The following PJA2 variants were observed in gnomAD, a reference collection of about 807,000 sequenced individuals.
PJA2 encodes the protein praja ring finger ubiquitin ligase 2.
A neutral mutation model predicts 69.3 loss-of-function variants in PJA2; 25 were observed. The observed-to-expected ratio is 0.36, with a 90% CI of 0.26 to 0.50. The LOEUF is 0.50. Ranked by LOEUF, PJA2 falls within the 20% of genes least tolerant of loss-of-function variation. The pLI, the probability that PJA2 is intolerant of heterozygous loss-of-function variation, is 0.96. For synonymous variants in PJA2, 308 were observed against 277.8 expected (o/e 1.11, Z -1.08); for missense variants, 809 against 830.2 (o/e 0.97, Z 0.31).
intron 4 of PJA2, among the ~76,000 whole-genome samples, chr5:109,369,870 T>A (rs997500792): frequency 6.6e-6 from 1 of 151,962 alleles, no homozygotes. Context: ...CCATCTCTAC[T>A]AAAAATACAA....
chr5:109,386,935 G>A (rs1355220469), intron 1 of PJA2, among the ~76,000 whole-genome samples: 1 of 152,162 alleles, frequency 6.6e-6, no homozygotes, highest in Non-Finnish European at 1.5e-5. Flanking sequence ...GGCAGGCCAT[G>A]TTTAAATTTT....
At chr5:109,385,354 G>A (rs1204534926) in intron 1 of PJA2, among the ~76,000 whole-genome samples, 1 of 152,190 alleles carries the variant, frequency 6.6e-6, no homozygotes, top group Non-Finnish European at 1.5e-5. Context: ...TGGACATATT[G>A]TAAAAATACA....
intron 4 of PJA2, among the ~76,000 whole-genome samples, chr5:109,375,972 A>G (rs1299860605): frequency 6.6e-6 from 1 of 152,250 alleles, no homozygotes; most frequent in Non-Finnish European, 1.5e-5. Flanking sequence ...AGAAAACTGT[A>G]CAGACACTTT....
At chr5:109,408,876 G>A (rs777237817) in intron 1 of PJA2, among the ~76,000 whole-genome samples, 1 of 152,198 alleles carries the variant, frequency 6.6e-6, no homozygotes, top group Non-Finnish European at 1.5e-5. Context: ...TTCAGCAAAG[G>A]TGACTGCCAT....
intron 9 of PJA2, among the ~76,000 whole-genome samples, chr5:109,341,523 G>A (rs1762057168): frequency 9.9e-5 from 14 of 141,232 alleles, no homozygotes; most frequent in South Asian, 4.5e-4. Flanking sequence ...TCTCCGCCCG[G>A]CAGCCACCCC....
chr5:109,404,264 T>C (rs1471211582), intron 1 of PJA2, among the ~76,000 whole-genome samples: 17 of 151,960 alleles, frequency 1.1e-4, no homozygotes. Flanking sequence ...CTCACACCTG[T>C]AATTCCAGCA....
intron 9 of PJA2, among the ~76,000 whole-genome samples, chr5:109,343,826 T>A (rs1425949102): frequency 6.6e-6 from 1 of 152,228 alleles, no homozygotes; most frequent in Non-Finnish European, 1.5e-5. Context: ...CTGGGCGTGG[T>A]GGCTCATGCC....
intron 1 of PJA2, among the ~76,000 whole-genome samples, chr5:109,402,327 AAGAC>A (rs1747572823): frequency 6.6e-6 from 1 of 152,198 alleles, no homozygotes; most frequent in Admixed American, 6.5e-5. Context: ...TTTTAAATAA[AAGAC>A]AGATTAAATG....
At chr5:109,408,496 A>T (rs1014341216) in intron 1 of PJA2, among the ~76,000 whole-genome samples, 2 of 152,204 alleles carry the variant, frequency 1.3e-5, no homozygotes, top group African/African-American at 4.8e-5. Flanking sequence ...TCAATAAGCA[A>T]GCGGTATGCA....
intron 4 of PJA2, among the ~76,000 whole-genome samples, chr5:109,377,595 A>G (rs188698426): frequency 6.6e-6 from 1 of 152,306 alleles, no homozygotes; most frequent in East Asian, 1.9e-4. Flanking sequence ...GTCCAGCTCT[A>G]CCATTAAGTT....
At chr5:109,387,292 C>T (rs1250789413) in intron 1 of PJA2, among the ~76,000 whole-genome samples, 1 of 151,736 alleles carries the variant, frequency 6.6e-6, no homozygotes, top group African/African-American at 2.4e-5. Flanking sequence ...AATCCGAGAC[C>T]TCTATATTCC....
intron 5 of PJA2, among the ~76,000 whole-genome samples, chr5:109,364,639 A>G (rs1037726227): frequency 1.3e-5 from 2 of 151,796 alleles, no homozygotes; most frequent in Non-Finnish European, 2.9e-5. Context: ...AAAAAAAAAA[A>G]AATTTCAGTG....
chr5:109,393,282 A>G (rs116588714), intron 1 of PJA2, among the ~76,000 whole-genome samples: 2,471 of 152,352 alleles, frequency 0.016, 34 homozygotes, highest in Non-Finnish European at 0.025. Flanking sequence ...AGAACAAGTT[A>G]TCATTACACA....
At chr5:109,379,311 T>C in intron 3 of PJA2, 57 bp from the exon 4 acceptor site, 1 of 1,217,498 alleles carries the variant, frequency 8.2e-7, no homozygotes, top group Non-Finnish European at 1.1e-6. Flanking sequence ...TAAAATTTTA[T>C]GTAATAACTA....
chr5:109,369,479 A>C (rs1446020945), intron 4 of PJA2, among the ~76,000 whole-genome samples: 1 of 152,238 alleles, frequency 6.6e-6, no homozygotes, highest in African/African-American at 2.4e-5. Flanking sequence ...ACAATTTGGT[A>C]ATCTTAAATG....
chr5:109,354,237 T>TA (rs1762355519), intron 7 of PJA2, among the ~76,000 whole-genome samples: 4 of 148,212 alleles, frequency 2.7e-5, no homozygotes, highest in East Asian at 2.1e-4. Context: ...TGTCTAGAGA[T>TA]TTCTATAGAT....
chr5:109,381,014 C>G (rs1376165497), intron 3 of PJA2, among the ~76,000 whole-genome samples: 1 of 151,338 alleles, frequency 6.6e-6, no homozygotes, highest in East Asian at 1.9e-4. Flanking sequence ...ACTAAGGAGG[C>G]TGAGGCACAA....
At position 109,409,965 on chromosome 5, in the gene PJA2, C is replaced by T. The variant is rs567632766; in HGVS notation, c.-211G>A. 4 of 216,430 alleles carry T rather than the reference C, an allele frequency of 1.8e-5. No individual in the cohort carries two copies. Among genetic ancestry groups the T allele is most frequent in the South Asian group, 5.4e-5 (1 of 18,394 alleles). The allele number at this position is 216,430 out of a possible 1,614,324, so 13.4% of individuals were successfully genotyped here. ...AAGCGGCTGGCGGCTGTGGCGGCGG[C>T]GGCGGCGGTGGCGGCGGCGGAAGCA... On this transcript the variant is annotated 5_prime_UTR_variant, in exon 1 of 10. Coordinates refer to ENST00000361189, the MANE Select transcript of PJA2 (RefSeq NM_014819.5).
chr5:109,388,439 T>A (rs1002405064), intron 1 of PJA2, among the ~76,000 whole-genome samples: 3 of 152,212 alleles, frequency 2.0e-5, no homozygotes, highest in African/African-American at 7.2e-5. Flanking sequence ...GACTATGTGA[T>A]GATAAATGTC....
Sources: allele counts gnomAD v4.1 joint callset (sites outside exome capture counted in the v4.1 genomes callset), GRCh38; gene constraint gnomAD v4.1.1; transcripts MANE v1.5; gene names NCBI Gene and HGNC (gene_info 2026-07-23, HGNC 2026-07-21).